Variants in PRDM1 observed in about 807,000 individuals in gnomAD.
PRDM1 encodes PR domain zinc finger protein 1.
PRDM1 carries 13 observed loss-of-function variants against 62.8 expected under a neutral mutation model. The observed-to-expected ratio is 0.21, with a 90% confidence interval of 0.13 to 0.33. The LOEUF (loss-of-function observed/expected upper bound fraction) is 0.33, where lower values mean the gene tolerates loss of function less well. PRDM1 is among the 10% of genes least tolerant of loss of function. The pLI is 1.00. For synonymous variants in PRDM1, 396 were observed against 417.6 expected, an observed-to-expected ratio of 0.95 and a Z score of 0.63; for missense variants, 895 against 1,058.8, an observed-to-expected ratio of 0.85 and a Z score of 2.15.
chr6:106,062,541 A>C (rs1389584468), intron 1 of PRDM1, among the ~76,000 whole-genome samples: 2 of 152,212 alleles, frequency 1.3e-5, no homozygotes, highest in Non-Finnish European at 1.5e-5. Context: ...GGATGTATAC[A>C]AAAAATATTG....
intron 1 of PRDM1, among the ~76,000 whole-genome samples, chr6:106,019,937 A>G (rs1444541873): frequency 2.0e-5 from 3 of 150,712 alleles, no homozygotes; most frequent in Admixed American, 6.6e-5. Context: ...GCCTCTTTCA[A>G]AAAAAGGAAG....
At chr6:106,070,459 T>C (rs1325702684) in intron 1 of PRDM1, among the ~76,000 whole-genome samples, 1 of 152,228 alleles carries the variant, frequency 6.6e-6, no homozygotes, top group Admixed American at 6.5e-5. Flanking sequence ...ATAATTTCTG[T>C]AAATTTGAAT....
chr6:106,016,031 A>G (rs62420707), intron 1 of PRDM1, among the ~76,000 whole-genome samples: 6,239 of 152,232 alleles, frequency 0.041, 144 homozygotes, highest in Non-Finnish European at 0.055. Flanking sequence ...TACTTTGTTT[A>G]TATGAATTTG....
chr6:106,042,788 A>G (rs1773021568), intron 1 of PRDM1, among the ~76,000 whole-genome samples: 1 of 152,110 alleles, frequency 6.6e-6, no homozygotes, highest in South Asian at 2.1e-4. Flanking sequence ...AGTGCTAGAA[A>G]GCTTCTCTTC....
chr6:106,070,949 T>A (rs1773505307), intron 1 of PRDM1, among the ~76,000 whole-genome samples: 1 of 152,226 alleles, frequency 6.6e-6, no homozygotes, highest in Non-Finnish European at 1.5e-5. Context: ...TGATTTGTAA[T>A]GACATGTTTG....
In PRDM1 at chr6:106,088,447, G is replaced by A. The variant is rs753864501; in HGVS notation, c.289G>A (p.Glu97Lys). Residue 97 changes from glutamate (E) to lysine (K), a missense_variant and splice_region_variant, in exon 2 of 7, where the codon GAG becomes AAG. Glu to Lys is a moderately conservative substitution (Grantham distance 56). Coordinates refer to ENST00000369096, the MANE Select transcript of PRDM1 (RefSeq NM_001198.4). ...LLFKYATNSE[E>K]VIGVMSKEYI... ...TTTCAAGTATGCCACCAACAGTGAAGAGGTAAGCCTCTGGTTTATTGACAA... is the reference window on the plus strand; with the variant it reads ...TTTCAAGTATGCCACCAACAGTGAAAAGGTAAGCCTCTGGTTTATTGACAA... The A allele has an allele frequency of 6.2e-7, 1 of 1,614,200 alleles. No homozygotes were observed.
intron 1 of PRDM1, among the ~76,000 whole-genome samples, chr6:106,052,873 C>T (rs756728061): frequency 4.0e-4 from 60 of 151,810 alleles, no homozygotes; most frequent in Admixed American, 3.9e-3. Context: ...GAGGCTGAGG[C>T]AGGAGAATCA....
At chr6:106,003,095 T>C (rs1466423650) in intron 1 of PRDM1, among the ~76,000 whole-genome samples, 1 of 152,174 alleles carries the variant, frequency 6.6e-6, no homozygotes, top group Admixed American at 6.5e-5. Context: ...CAGACATACA[T>C]AGGAACAGAG....
chr6:106,051,018 T>C (rs1038248916), intron 1 of PRDM1, among the ~76,000 whole-genome samples: 3 of 150,530 alleles, frequency 2.0e-5, no homozygotes, highest in African/African-American at 7.4e-5. Context: ...GTTGGTTTTG[T>C]CACTATACCT....
At chr6:106,057,864 A>G (rs940710756) in intron 1 of PRDM1, among the ~76,000 whole-genome samples, 7 of 152,198 alleles carry the variant, frequency 4.6e-5, no homozygotes, top group African/African-American at 1.4e-4. Flanking sequence ...TTTTAATTAT[A>G]CAAGTATAGG....
chr6:106,103,102 C>T (rs981383875), intron 4 of PRDM1, among the ~76,000 whole-genome samples: 1 of 152,088 alleles, frequency 6.6e-6, no homozygotes, highest in African/African-American at 2.4e-5. Flanking sequence ...TCAGAAATCC[C>T]TCTCCCTCAG....
At chr6:106,019,477 A>G (rs183253394) in intron 1 of PRDM1, among the ~76,000 whole-genome samples, 1 of 151,772 alleles carries the variant, frequency 6.6e-6, no homozygotes, top group Non-Finnish European at 1.5e-5. Flanking sequence ...AATTTGATTA[A>G]TTTGCGTTTT....
intron 1 of PRDM1, among the ~76,000 whole-genome samples, chr6:106,007,507 G>GA (rs1772497788): frequency 6.7e-6 from 1 of 148,456 alleles, no homozygotes; most frequent in Non-Finnish European, 1.5e-5. Flanking sequence ...CCATTCATGT[G>GA]AAATTATCTA....
At chr6:106,086,712 C>T (rs1049254246) in intron 1 of PRDM1, 117 bp downstream of exon 1, 5 of 930,578 alleles carry the variant, frequency 5.4e-6, no homozygotes, top group Non-Finnish European at 8.0e-6. Flanking sequence ...TAGAAACATG[C>T]TTCTGCTTTA....
At chr6:106,038,297 C>T (rs80001416) in intron 1 of PRDM1, among the ~76,000 whole-genome samples, 5,215 of 151,956 alleles carry the variant, frequency 0.034, 129 homozygotes, top group Non-Finnish European at 0.051. Context: ...CTATTTTTGT[C>T]TTCATCCTAT....
chr6:106,008,196 C>T (rs1772504813), intron 1 of PRDM1, among the ~76,000 whole-genome samples: 1 of 152,130 alleles, frequency 6.6e-6, no homozygotes. Flanking sequence ...TGTGGTGAAA[C>T]TCCATCTCTA....
At chr6:106,071,634 C>A (rs1012691376) in intron 1 of PRDM1, among the ~76,000 whole-genome samples, 3 of 152,152 alleles carry the variant, frequency 2.0e-5, no homozygotes, top group Admixed American at 6.5e-5. Flanking sequence ...CCTAAGTGAC[C>A]CCTCTGAGTA....
chr6:106,042,517 A>C (rs1039434791), intron 1 of PRDM1, among the ~76,000 whole-genome samples: 6 of 146,794 alleles, frequency 4.1e-5, no homozygotes, highest in Admixed American at 2.0e-4. Flanking sequence ...ACAGGAGTGA[A>C]ACTCTGTCTC....
chr6:106,069,993 T>C (rs1283448794), intron 1 of PRDM1, among the ~76,000 whole-genome samples: 3 of 152,132 alleles, frequency 2.0e-5, no homozygotes, highest in Non-Finnish European at 4.4e-5. Flanking sequence ...CCACCACTTC[T>C]CCCTCAATTT....
Sources: allele counts gnomAD v4.1 joint callset (sites outside exome capture counted in the v4.1 genomes callset), GRCh38; gene constraint gnomAD v4.1.1; transcripts MANE v1.5; gene names NCBI Gene and HGNC (gene_info 2026-07-23, HGNC 2026-07-21).